Variants in PTCHD4 observed in about 807,000 individuals in gnomAD.
PTCHD4 encodes patched domain-containing protein 4.
A neutral mutation model predicts 58.1 loss-of-function variants in PTCHD4; 33 were observed. That is an observed-to-expected ratio of 0.57 (90% CI 0.43 to 0.76). PTCHD4 has a LOEUF of 0.76. Ranked by LOEUF, PTCHD4 falls within the 30% of genes least tolerant of loss-of-function variation. The pLI, the probability that PTCHD4 is intolerant of heterozygous loss-of-function variation, is 0.00. For synonymous variants in PTCHD4, 478 were observed against 409.6 expected (o/e 1.17, Z -2.02); for missense variants, 1,058 against 1,027.1 (o/e 1.03, Z -0.41).
At chr6:47,936,261 A>C (rs1765996132) in intron 4 of PTCHD4, among the ~76,000 whole-genome samples, 1 of 152,196 alleles carries the variant, frequency 6.6e-6, no homozygotes, top group Non-Finnish European at 1.5e-5. Context: ...CATATCTTGA[A>C]GTTCTATCCA....
At chr6:48,053,375 C>A (rs1312168053) in intron 3 of PTCHD4, among the ~76,000 whole-genome samples, 1 of 152,070 alleles carries the variant, frequency 6.6e-6, no homozygotes. Context: ...TTACTATATG[C>A]TTAGCAAAAG....
At chr6:48,102,642 G>A (rs371114795) in intron 1 of PTCHD4, among the ~76,000 whole-genome samples, 47 of 152,326 alleles carry the variant, frequency 3.1e-4, no homozygotes, top group African/African-American at 5.8e-4. Flanking sequence ...TGCACCATGC[G>A]TGAGCCGAAG....
intron 4 of PTCHD4, among the ~76,000 whole-genome samples, chr6:47,914,735 A>T (rs1157894331): frequency 7.8e-6 from 1 of 128,770 alleles, no homozygotes; most frequent in Non-Finnish European, 1.7e-5. Context: ...TCTATCTATT[A>T]TCTATCTATT....
At chr6:48,099,598 G>A (rs200269536) in intron 1 of PTCHD4, among the ~76,000 whole-genome samples, 8 of 152,060 alleles carry the variant, frequency 5.3e-5, no homozygotes, top group African/African-American at 9.7e-5. Flanking sequence ...TATTTTTCTC[G>A]TGATCCTACA....
At chr6:48,004,013 A>G (rs1200231377) in intron 4 of PTCHD4, among the ~76,000 whole-genome samples, 1 of 152,066 alleles carries the variant, frequency 6.6e-6, no homozygotes, top group Non-Finnish European at 1.5e-5. Context: ...TATTTATATC[A>G]CCTAGAAATC....
chr6:48,008,706 C>T lies in PTCHD4; in HGVS notation c.826G>A (p.Ala276Thr), dbSNP rs1434903486. ...VLTVCISIIT[A>T]AGIFFITDGK... is the part of the protein sequence containing the mutation. ...TCGGTGATGAAGAAGATCCCTGCTG[C>T]TGTGATGATGGAGATGCATACTGTG... The change falls in exon 4 of 5, where the codon GCA (alanine) becomes ACA (threonine). Residue 276 changes from alanine (A) to threonine (T), a missense_variant. Transcript: ENST00000339488. 1 of 1,613,796 alleles carries T rather than the reference C, an allele frequency of 6.2e-7. No homozygotes were observed. The highest frequency in any genetic ancestry group is 1.1e-5 in the South Asian group (1 of 91,052).
At position 48,008,703 on chromosome 6, in the gene PTCHD4, C is replaced by T; in HGVS notation, c.829G>A (p.Ala277Thr). ...LTVCISIITA[A>T]GIFFITDGKY... ...CCATCGGTGATGAAGAAGATCCCTG[C>T]TGCTGTGATGATGGAGATGCATACT... Residue 277 changes from alanine to threonine, a missense_variant, in exon 4 of 5, where the codon GCA becomes ACA. Ala to Thr is a moderately conservative substitution (Grantham distance 58, BLOSUM62 0). Coordinates refer to ENST00000339488, the MANE Select transcript of PTCHD4 (RefSeq NM_001384253.1). 1 of 1,613,790 alleles carries T rather than the reference C, an allele frequency of 6.2e-7. No individual in the cohort carries two copies. Among genetic ancestry groups the T allele is most frequent in the Non-Finnish European group, 8.5e-7 (1 of 1,179,850 alleles).
intron 4 of PTCHD4, among the ~76,000 whole-genome samples, chr6:47,883,426 C>T (rs1308553350): frequency 2.0e-5 from 3 of 152,014 alleles, no homozygotes; most frequent in African/African-American, 4.8e-5. Context: ...GATGTTACTT[C>T]TATTGTCGTA....
At chr6:48,028,018 T>C (rs960504485) in intron 3 of PTCHD4, among the ~76,000 whole-genome samples, 1 of 152,126 alleles carries the variant, frequency 6.6e-6, no homozygotes, top group African/African-American at 2.4e-5. Flanking sequence ...CTCTGCTCAC[T>C]ATAACCCCGG....
At chr6:47,989,879 A>G (rs1768216751) in intron 4 of PTCHD4, among the ~76,000 whole-genome samples, 1 of 152,082 alleles carries the variant, frequency 6.6e-6, no homozygotes, top group Admixed American at 6.5e-5. Context: ...TGTCTTCCAG[A>G]CCCCAGAACC....
At chr6:48,106,664 T>C (rs1012436258) in intron 1 of PTCHD4, among the ~76,000 whole-genome samples, 1 of 152,102 alleles carries the variant, frequency 6.6e-6, no homozygotes, top group African/African-American at 2.4e-5. Flanking sequence ...GTCAAATTGT[T>C]CCTGTTTGCA....
intron 4 of PTCHD4, among the ~76,000 whole-genome samples, chr6:47,910,220 A>G (rs1025106967): frequency 2.0e-5 from 3 of 152,068 alleles, no homozygotes; most frequent in Admixed American, 6.6e-5. Context: ...TCACTTTATG[A>G]TATGATGGAT....
At chr6:48,011,049 G>A (rs571264042) in intron 3 of PTCHD4, among the ~76,000 whole-genome samples, 1 of 152,272 alleles carries the variant, frequency 6.6e-6, no homozygotes, top group South Asian at 2.1e-4. Context: ...ACGTGTGCAT[G>A]TGTCTTTACA....
chr6:48,048,637 T>A (rs1392676205), intron 3 of PTCHD4, among the ~76,000 whole-genome samples: 6 of 151,930 alleles, frequency 3.9e-5, no homozygotes, highest in African/African-American at 1.2e-4. Flanking sequence ...GCAGTATTAC[T>A]GAGGATTTAG....
intron 4 of PTCHD4, among the ~76,000 whole-genome samples, chr6:47,939,948 A>T (rs997430846): frequency 6.6e-6 from 1 of 152,020 alleles, no homozygotes; most frequent in Non-Finnish European, 1.5e-5. Flanking sequence ...TATTACTTGA[A>T]ATTTTAAGAT....
chr6:47,962,507 T>C (rs1201920189), intron 4 of PTCHD4, among the ~76,000 whole-genome samples: 1 of 152,028 alleles, frequency 6.6e-6, no homozygotes, highest in Non-Finnish European at 1.5e-5. Context: ...GGGGCAGTGA[T>C]CCCATGCTGC....
intron 4 of PTCHD4, among the ~76,000 whole-genome samples, chr6:47,958,119 G>GT (rs543062583): frequency 1.2e-3 from 179 of 152,158 alleles, no homozygotes; most frequent in African/African-American, 4.1e-3. Context: ...ATTACTGTGG[G>GT]TTTTGTTTTT....
chr6:47,969,199 C>T (rs959995936), intron 4 of PTCHD4, among the ~76,000 whole-genome samples: 2 of 152,152 alleles, frequency 1.3e-5, no homozygotes, highest in African/African-American at 4.8e-5. Flanking sequence ...TCTATTCATC[C>T]CGTAAACTTC....
chr6:48,008,306 T>C (rs772295024), intron 4 of PTCHD4, among the ~76,000 whole-genome samples: 3 of 152,210 alleles, frequency 2.0e-5, no homozygotes, highest in Non-Finnish European at 4.4e-5. Flanking sequence ...CACAAAATTT[T>C]GCTCGAAGTA....
Sources: gnomAD v4.1 joint callset for allele counts (sites outside exome capture counted in the v4.1 genomes callset) on GRCh38, gnomAD v4.1.1 for gene constraint, MANE v1.5 for transcripts, NCBI Gene and HGNC (gene_info 2026-07-23, HGNC 2026-07-21) for gene names.